LRRTM4: variants seen among roughly 807,000 people sequenced by gnomAD.
The protein encoded by LRRTM4 is leucine-rich repeat transmembrane neuronal protein 4.
LRRTM4 carries 25 observed loss-of-function variants against 47.6 expected under a neutral mutation model. The ratio of observed to expected loss-of-function variants is 0.53; its 90% CI spans 0.38 to 0.73. The LOEUF is 0.73. LRRTM4 is among the 30% of genes least tolerant of loss of function. The pLI is 0.00. For missense variants in LRRTM4, 638 were observed against 713.4 expected (o/e 0.89, Z 1.20); for synonymous variants, 311 against 269.5 (o/e 1.15, Z -1.51).
chr2:77,325,572 T>C (rs1167827813), intron 3 of LRRTM4, among the ~76,000 whole-genome samples: 3 of 152,166 alleles, frequency 2.0e-5, no homozygotes, highest in Non-Finnish European at 2.9e-5. Flanking sequence ...CTTGAAGATA[T>C]GTAATTGGCA....
chr2:77,444,910 A>ATAG (rs1222736280), intron 3 of LRRTM4, among the ~76,000 whole-genome samples: 3 of 149,194 alleles, frequency 2.0e-5, no homozygotes, highest in Non-Finnish European at 4.5e-5. Flanking sequence ...ACCTAAGCAC[A>ATAG]TAGGCTCTGT....
At chr2:76,883,978 C>T (rs532721819) in intron 3 of LRRTM4, among the ~76,000 whole-genome samples, 15 of 147,620 alleles carry the variant, frequency 1.0e-4, no homozygotes, top group East Asian at 2.2e-4. Flanking sequence ...CCACCACACC[C>T]GGCTAATTTT....
intron 3 of LRRTM4, among the ~76,000 whole-genome samples, chr2:76,934,775 C>T (rs1161393254): frequency 2.6e-5 from 4 of 152,140 alleles, no homozygotes; most frequent in Non-Finnish European, 5.9e-5. Context: ...AAAGCAGATG[C>T]TCACTAAATC....
chr2:77,066,410 T>C (rs1679958276), intron 3 of LRRTM4, among the ~76,000 whole-genome samples: 1 of 152,230 alleles, frequency 6.6e-6, no homozygotes, highest in East Asian at 1.9e-4. Context: ...CAGGTACAGC[T>C]ACCTGTGGTC....
At chr2:77,326,729 C>G (rs1201283513) in intron 3 of LRRTM4, among the ~76,000 whole-genome samples, 2 of 152,148 alleles carry the variant, frequency 1.3e-5, no homozygotes, top group Admixed American at 6.6e-5. Flanking sequence ...AAACGGATTA[C>G]TCCTCTCATC....
intron 3 of LRRTM4, among the ~76,000 whole-genome samples, chr2:76,951,226 A>G (rs1241557566): frequency 5.3e-5 from 8 of 152,076 alleles, no homozygotes; most frequent in East Asian, 1.9e-4. Context: ...CAGTGTAAAA[A>G]TATCTGTCCT....
At chr2:76,779,278 T>C (rs1325919260) in intron 3 of LRRTM4, among the ~76,000 whole-genome samples, 12 of 151,190 alleles carry the variant, frequency 7.9e-5, no homozygotes, top group East Asian at 3.9e-4. Flanking sequence ...CTATTAGGTC[T>C]GCTTGGTGCA....
chr2:77,172,060 G>A (rs1386040875), intron 3 of LRRTM4, among the ~76,000 whole-genome samples: 1 of 152,108 alleles, frequency 6.6e-6, no homozygotes. Context: ...TGTTATCCTA[G>A]ATATCTGCCT....
At chr2:77,357,355 T>C (rs781119679) in intron 3 of LRRTM4, among the ~76,000 whole-genome samples, 3 of 152,164 alleles carry the variant, frequency 2.0e-5, no homozygotes, top group Non-Finnish European at 4.4e-5. Flanking sequence ...CAATGCATTA[T>C]AAATTAGCAC....
intron 3 of LRRTM4, among the ~76,000 whole-genome samples, chr2:76,964,122 G>A (rs1212894328): frequency 4.0e-5 from 6 of 150,920 alleles, no homozygotes; most frequent in African/African-American, 1.5e-4. Flanking sequence ...ATAAAAATGA[G>A]CCTAAACCCC....
chr2:77,419,711 C>T (rs1201554187), intron 3 of LRRTM4, among the ~76,000 whole-genome samples: 1 of 151,940 alleles, frequency 6.6e-6, no homozygotes, highest in Non-Finnish European at 1.5e-5. Context: ...TATGAATTTC[C>T]ACTTTGCACA....
intron 3 of LRRTM4, among the ~76,000 whole-genome samples, chr2:77,404,219 A>G (rs1674076404): frequency 1.3e-5 from 2 of 151,972 alleles, no homozygotes; most frequent in South Asian, 4.1e-4. Flanking sequence ...TCCAGTTTAT[A>G]ATATAGTCAC....
In LRRTM4 at chr2:77,517,731, T is replaced by C. The variant is rs961367160; in HGVS notation, c.1551+587A>G. On this transcript the variant is annotated intron_variant, in intron 3 of 3. Transcript: ENST00000409884. Reference sequence around the variant, plus strand: ...AAAGAAAGAAGCCTTAGGAGCCTGATACAATTACACAGTAGGCCTCTGACA... The same window carrying C: ...AAAGAAAGAAGCCTTAGGAGCCTGACACAATTACACAGTAGGCCTCTGACA... 6 of 983,304 alleles carry C rather than the reference T, an allele frequency of 6.1e-6. No individual in the cohort carries two copies. In the East Asian group the frequency reaches 3.4e-4, roughly 56 times the overall value. 60.9% of individuals were successfully genotyped at this position (983,304 alleles called of 1,614,324 possible). A position where few individuals can be genotyped will look rare whatever the true frequency, so the allele number is the denominator to read the frequency against.
At chr2:77,127,654 GA>G (rs1388776280) in intron 3 of LRRTM4, among the ~76,000 whole-genome samples, 3 of 151,992 alleles carry the variant, frequency 2.0e-5, no homozygotes, top group Non-Finnish European at 1.5e-5. Context: ...TGTTTTGAAA[GA>G]AATATTATAA....
At chr2:76,942,674 ATC>A (rs1264038079) in intron 3 of LRRTM4, among the ~76,000 whole-genome samples, 8 of 123,246 alleles carry the variant, frequency 6.5e-5, no homozygotes, top group African/African-American at 1.3e-4. Flanking sequence ...ACCTCTAGGA[ATC>A]TGTGTGTGTG....
chr2:77,182,605 T>C (rs1352279165), intron 3 of LRRTM4, among the ~76,000 whole-genome samples: 1 of 152,176 alleles, frequency 6.6e-6, no homozygotes, highest in Non-Finnish European at 1.5e-5. Context: ...TGGGGTTTTC[T>C]AGATATACAA....
chr2:76,941,960 C>T (rs955957376), intron 3 of LRRTM4, among the ~76,000 whole-genome samples: 4 of 152,160 alleles, frequency 2.6e-5, no homozygotes, highest in Non-Finnish European at 5.9e-5. Context: ...TTTTCCACAT[C>T]GTCTCCAGCA....
At chr2:77,263,312 C>T (rs552220465) in intron 3 of LRRTM4, among the ~76,000 whole-genome samples, 17 of 152,188 alleles carry the variant, frequency 1.1e-4, no homozygotes, top group African/African-American at 4.1e-4. Flanking sequence ...AACCAGCAAT[C>T]TAATAGGTGA....
At chr2:77,414,063 C>T (rs1328975192) in intron 3 of LRRTM4, among the ~76,000 whole-genome samples, 1 of 152,202 alleles carries the variant, frequency 6.6e-6, no homozygotes, top group Non-Finnish European at 1.5e-5. Context: ...TGAGGTTATA[C>T]TGTTACCTCA....
Sources: gnomAD v4.1 joint callset for allele counts (sites outside exome capture counted in the v4.1 genomes callset) on GRCh38, gnomAD v4.1.1 for gene constraint, MANE v1.5 for transcripts, NCBI Gene and HGNC (gene_info 2026-07-23, HGNC 2026-07-21) for gene names.